GALNT10: variants seen among roughly 807,000 people sequenced by gnomAD.
The protein encoded by GALNT10 is GalNAc transferase 10.
A neutral mutation model predicts 75.0 loss-of-function variants in GALNT10; 41 were observed. The observed-to-expected ratio is 0.55, with a 90% CI of 0.43 to 0.71. The LOEUF (loss-of-function observed/expected upper bound fraction) is 0.71. GALNT10 is among the 30% of genes least tolerant of loss of function. The pLI is 0.00. For synonymous variants in GALNT10, 302 were observed against 313.0 expected (o/e 0.96, Z 0.37); for missense variants, 727 against 818.5 (o/e 0.89, Z 1.36).
At chr5:154,371,180 C>G (rs1459727978) in intron 4 of GALNT10, among the ~76,000 whole-genome samples, 1 of 152,178 alleles carries the variant, frequency 6.6e-6, no homozygotes, top group Non-Finnish European at 1.5e-5. Flanking sequence ...ACTCCAGTCT[C>G]TGCCTCCATC....
rs114742939 is a variant in GALNT10, at chr5:154,399,185, G to C, written c.1057-4919G>C. Among the ~76,000 whole-genome samples, 1,196 of 152,318 alleles carry C rather than the reference G, an allele frequency of 7.9e-3. 12 individuals carry two copies. Among genetic ancestry groups the C allele is most frequent in the Middle Eastern group, 0.02 (6 of 294 alleles). On this transcript the variant is annotated intron_variant, in intron 7 of 11. Coordinates refer to ENST00000297107, the MANE Select transcript of GALNT10 (RefSeq NM_198321.4). ...TCAGGCTGCAGTGTCTGCAGTGTCT[G>C]TCTGGGTCTTGGATGGTCACTACCT...
intron 1 of GALNT10, among the ~76,000 whole-genome samples, chr5:154,252,247 C>T (rs1230009560): frequency 6.6e-6 from 1 of 152,070 alleles, no homozygotes; most frequent in Non-Finnish European, 1.5e-5. Flanking sequence ...CCACTTAGTT[C>T]TACAGGTGAG....
At chr5:154,223,406 A>C (rs115651375) in intron 1 of GALNT10, among the ~76,000 whole-genome samples, 255 of 152,356 alleles carry the variant, frequency 1.7e-3, no homozygotes, top group Non-Finnish European at 3.2e-3. Context: ...CTGACTTTGA[A>C]GGCCCCATTC....
chr5:154,321,233 A>G (rs977958585), intron 3 of GALNT10, among the ~76,000 whole-genome samples: 2 of 152,162 alleles, frequency 1.3e-5, no homozygotes, highest in East Asian at 3.8e-4. Flanking sequence ...ACAGTTGAAC[A>G]GTAGATTGCA....
At chr5:154,195,978 A>G (rs894942243) in intron 1 of GALNT10, among the ~76,000 whole-genome samples, 3 of 151,990 alleles carry the variant, frequency 2.0e-5, no homozygotes, top group Non-Finnish European at 2.9e-5. Flanking sequence ...GCTGGAGTGC[A>G]ATGGCGTGAT....
rs936921103 is a variant in GALNT10 at position 154,417,953 on chromosome 5, A to G, written c.*981A>G. 2.0e-5 allele frequency: 3 copies of G among 152,216 alleles called. No individual in the cohort carries two copies. Among genetic ancestry groups the G allele is most frequent in the Admixed American group, 6.5e-5 (1 of 15,282 alleles). The allele number at this position is 152,216 out of a possible 1,614,324, so 9.4% of individuals were successfully genotyped here. The stretch of plus-strand genomic sequence containing the variant: ...GAGGCCTCCAGGATCAACTGTGGGC[A>G]AAGTGCCTGCCTCTGACCTCATCAT... On this transcript the variant is annotated 3_prime_UTR_variant, in exon 12 of 12. Transcript: ENST00000297107.
chr5:154,416,159 G>T lies in GALNT10; in HGVS notation c.1653+227G>T, dbSNP rs1418419298. Among the ~76,000 whole-genome samples, 1 of 152,174 alleles carries T rather than the reference G, an allele frequency of 6.6e-6. No individual in the cohort carries two copies. Among genetic ancestry groups the T allele is most frequent in the African/African-American group, 2.4e-5 (1 of 41,442 alleles). On this transcript the variant is annotated intron_variant, in intron 11 of 11. Coordinates refer to ENST00000297107, the MANE Select transcript of GALNT10 (RefSeq NM_198321.4). The surrounding 1 kb of genome is among the most constrained non-coding windows in gnomAD (Gnocchi z 4.5). ...GATTCCATTTAAAAAGAAAAGTGCAGCCGGGCACAGTGGCTCATGCCTGTA... is the reference window on the plus strand; with the variant it reads ...GATTCCATTTAAAAAGAAAAGTGCATCCGGGCACAGTGGCTCATGCCTGTA...
chr5:154,286,012 T>C (rs141800768), intron 1 of GALNT10, among the ~76,000 whole-genome samples: 99 of 152,342 alleles, frequency 6.5e-4, no homozygotes, highest in African/African-American at 2.2e-3. Context: ...TAACCTGTAA[T>C]CCAATTTTCT....
intron 3 of GALNT10, among the ~76,000 whole-genome samples, chr5:154,327,446 C>T (rs971063223): frequency 6.6e-6 from 1 of 152,128 alleles, no homozygotes; most frequent in African/African-American, 2.4e-5. Flanking sequence ...TATCGTAAAA[C>T]AAAGAAGCTA....
intron 3 of GALNT10, among the ~76,000 whole-genome samples, chr5:154,314,960 G>A (rs1334819281): frequency 6.6e-6 from 1 of 152,020 alleles, no homozygotes; most frequent in African/African-American, 2.4e-5. Flanking sequence ...ATGTCATGAT[G>A]GCCCAGTTGG....
intron 3 of GALNT10, among the ~76,000 whole-genome samples, chr5:154,302,070 A>T (rs2113083921): frequency 6.6e-6 from 1 of 152,314 alleles, no homozygotes; most frequent in South Asian, 2.1e-4. Flanking sequence ...TCCAGAGGGG[A>T]ATCTTTCCTG....
Position 154,376,533 on chromosome 5 carries a change from C to G in GALNT10, c.754+71C>G. On this transcript the variant is annotated intron_variant, in intron 5 of 11. Coordinates refer to ENST00000297107, the MANE Select transcript of GALNT10 (RefSeq NM_198321.4). This position sits in a 1 kb window ranked among gnomAD's most constrained non-coding sequence, Gnocchi z 4.1. Reference sequence around the variant, plus strand: ...CAGTGCCAGTGGCCCCCTCCTGCTGCAGGGAGCCATCCATAAGCCTTCCCT... The same window carrying G: ...CAGTGCCAGTGGCCCCCTCCTGCTGGAGGGAGCCATCCATAAGCCTTCCCT... The G allele has an allele frequency of 6.2e-6, 7 of 1,125,326 alleles. No individual in the cohort carries two copies. The highest frequency in any genetic ancestry group is 1.6e-5 in the South Asian group (1 of 62,716). 69.7% of individuals were successfully genotyped at this position (1,125,326 alleles called of 1,614,324 possible).
intron 1 of GALNT10, among the ~76,000 whole-genome samples, chr5:154,228,911 C>T (rs575601276): frequency 3.2e-4 from 48 of 152,336 alleles, no homozygotes; most frequent in African/African-American, 1.2e-3. Flanking sequence ...TTATTTCTTA[C>T]TTTCTTGCAA....
intron 7 of GALNT10, among the ~76,000 whole-genome samples, chr5:154,390,963 ACT>A (rs1755887187): frequency 6.6e-6 from 1 of 152,182 alleles, no homozygotes; most frequent in Non-Finnish European, 1.5e-5. Context: ...TATGTCCGTC[ACT>A]CTCCAGAGGA....
chr5:154,259,149 A>C (rs185821914), intron 1 of GALNT10, among the ~76,000 whole-genome samples: 1 of 152,042 alleles, frequency 6.6e-6, no homozygotes, highest in Non-Finnish European at 1.5e-5. Flanking sequence ...CATTCAACCC[A>C]TTACATTTAG....
At position 154,417,086 on chromosome 5, in the gene GALNT10, G is replaced by C; in HGVS notation, c.*114G>C. ...AGGTGTAAAAGGTGCTGGCCAAATG[G>C]TTCAGGGTGAAGAGGGCTCTTGATT... On this transcript the variant is annotated 3_prime_UTR_variant, in exon 12 of 12. Transcript: ENST00000297107. 2.2e-6 allele frequency: 2 copies of C among 911,436 alleles called. No homozygotes were observed. Among genetic ancestry groups the C allele is most frequent in the Non-Finnish European group, 3.4e-6 (2 of 584,328 alleles). The allele number at this position is 911,436 out of a possible 1,614,324, so 56.5% of individuals were successfully genotyped here. A position where few individuals can be genotyped will look rare whatever the true frequency, so the allele number is the denominator to read the frequency against.
intron 3 of GALNT10, among the ~76,000 whole-genome samples, chr5:154,310,971 T>C (rs1352276278): frequency 6.6e-6 from 1 of 152,216 alleles, no homozygotes; most frequent in Admixed American, 6.5e-5. Flanking sequence ...CTCTAATTTT[T>C]AAAAGAGTTC....
At chr5:154,360,805 A>G (rs1755374168) in intron 4 of GALNT10, among the ~76,000 whole-genome samples, 1 of 152,220 alleles carries the variant, frequency 6.6e-6, no homozygotes, top group African/African-American at 2.4e-5. Flanking sequence ...TTAAAAAACA[A>G]TACTATCTTG....
intron 3 of GALNT10, among the ~76,000 whole-genome samples, chr5:154,325,892 T>G (rs1283890619): frequency 1.3e-5 from 2 of 152,132 alleles, no homozygotes; most frequent in Non-Finnish European, 2.9e-5. Flanking sequence ...GAAAAAGACA[T>G]AAAAAGTCAT....
Sources: allele counts gnomAD v4.1 joint callset (sites outside exome capture counted in the v4.1 genomes callset), GRCh38; gene constraint gnomAD v4.1.1; non-coding constraint Gnocchi (gnomAD v3.1); transcripts MANE v1.5; gene names NCBI Gene and HGNC (gene_info 2026-07-23, HGNC 2026-07-21).